The following CELF2 variants were observed in gnomAD, a reference collection of about 807,000 sequenced individuals.
The protein encoded by CELF2 is CUGBP Elav-like family member 2.
CELF2 carries 8 observed loss-of-function variants against 62.6 expected under a neutral mutation model. That is an observed-to-expected ratio of 0.13 (90% confidence interval 0.07 to 0.23). The LOEUF (loss-of-function observed/expected upper bound fraction) is 0.23. CELF2 is among the 10% of genes least tolerant of loss of function. The pLI is 1.00. For missense variants in CELF2, 333 were observed against 671.0 expected, an observed-to-expected ratio of 0.50 and a Z score of 5.56; for synonymous variants, 258 against 250.0, an observed-to-expected ratio of 1.03 and a Z score of -0.30.
At chr10:10,557,787 T>C in the CELF2 span, among the ~76,000 whole-genome samples, 176 of 138,368 alleles carry the variant, frequency 1.3e-3, no homozygotes, top group South Asian at 3.8e-3. Context: ...TTTTATTCTC[T>C]TTGAAGCAAT....
At chr10:11,035,405 A>G (rs2060790081) in intron 1 of CELF2, among the ~76,000 whole-genome samples, 1 of 152,208 alleles carries the variant, frequency 6.6e-6, no homozygotes, top group African/African-American at 2.4e-5. Flanking sequence ...AAACCTTCCC[A>G]TTCAGTGCTG....
chr10:10,647,001 A>G, the CELF2 span, among the ~76,000 whole-genome samples: 1 of 152,186 alleles, frequency 6.6e-6, no homozygotes, highest in African/African-American at 2.4e-5. Context: ...GAACTGAAGG[A>G]TACATTGCAT....
chr10:10,547,362 T>C, the CELF2 span, among the ~76,000 whole-genome samples: 3 of 152,204 alleles, frequency 2.0e-5, no homozygotes, highest in Non-Finnish European at 4.4e-5. Context: ...GTCAGAAATA[T>C]GTTTGAAACA....
At chr10:10,483,950 ATCTC>A in the CELF2 span, among the ~76,000 whole-genome samples, 8 of 89,252 alleles carry the variant, frequency 9.0e-5, no homozygotes, top group South Asian at 2.0e-3. Flanking sequence ...TCTCTCTCTC[ATCTC>A]TCTCTCTCCC....
the CELF2 span, among the ~76,000 whole-genome samples, chr10:10,720,257 C>T: frequency 2.6e-5 from 4 of 152,176 alleles, no homozygotes; most frequent in South Asian, 6.2e-4. Context: ...AATATGATAA[C>T]ATTTACTGTA....
chr10:11,017,874 CCCCG>C lies in CELF2; in HGVS notation c.-209_-206del. 1 of 886,626 alleles carries C rather than the reference CCCCG, an allele frequency of 1.1e-6. No homozygotes were observed. The highest frequency in any genetic ancestry group is 5.1e-5 in the South Asian group (1 of 19,506). 54.9% of individuals were successfully genotyped at this position (886,626 alleles called of 1,614,324 possible). A position where few individuals can be genotyped will look rare whatever the true frequency, so the allele number is the denominator to read the frequency against. On this transcript the variant is annotated 5_prime_UTR_variant, in exon 1 of 13. Coordinates refer to ENST00000633077, the MANE Select transcript of CELF2 (RefSeq NM_001326342.2). This position sits in a 1 kb window ranked among gnomAD's most constrained non-coding sequence, Gnocchi z 5.5. ...GCGGCGGGCGCCCCGCGAGCTCCGC[CCCCG>C]CCCGCCGCACCTGGCGCTCGGCAGC...
chr10:10,873,632 G>A (rs1196510396), intron 1 of CELF2, among the ~76,000 whole-genome samples: 1 of 152,240 alleles, frequency 6.6e-6, no homozygotes, highest in Non-Finnish European at 1.5e-5. Context: ...AAGGGTGGAA[G>A]TTTATACAAC....
intron 12 of CELF2, among the ~76,000 whole-genome samples, chr10:11,327,638 A>G (rs937897563): frequency 6.6e-6 from 1 of 152,210 alleles, no homozygotes; most frequent in African/African-American, 2.4e-5. Context: ...TCCTTGATAA[A>G]GACCCAGAGG....
Position 10,947,353 on chromosome 10 carries a change from A to G in CELF2, c.89+27354A>G, listed in dbSNP as rs1359245089. On this transcript the variant is annotated intron_variant, in intron 2 of 13. Coordinates refer to the CELF2 transcript ENST00000636488. The surrounding 1 kb of genome is among the most constrained non-coding windows in gnomAD (Gnocchi z 4.1). ...GCACAGATGGGAGGCAGGGTTATTT[A>G]CCATTTTACTCTCCCTCCCTGTTCA... The G allele has an allele frequency of 1.3e-5, 2 of 152,604 alleles. No individual in the cohort carries two copies. Among genetic ancestry groups the G allele is most frequent in the Non-Finnish European group, 2.9e-5 (2 of 68,038 alleles). 9.5% of individuals were successfully genotyped at this position (152,604 alleles called of 1,614,324 possible).
the CELF2 span, among the ~76,000 whole-genome samples, chr10:10,591,368 A>G: frequency 7.3e-3 from 1,110 of 152,308 alleles, 6 homozygotes; most frequent in Middle Eastern, 0.031. Context: ...TAACATGGGT[A>G]TATGCTTTCA....
intron 8 of CELF2, among the ~76,000 whole-genome samples, chr10:11,275,760 C>G (rs1037120894): frequency 6.6e-6 from 1 of 152,194 alleles, no homozygotes; most frequent in Non-Finnish European, 1.5e-5. Flanking sequence ...TAATGAGCTG[C>G]GCCAGTAGTA....
At chr10:10,884,270 T>C (rs1264108470) in intron 1 of CELF2, among the ~76,000 whole-genome samples, 1 of 152,192 alleles carries the variant, frequency 6.6e-6, no homozygotes, top group Non-Finnish European at 1.5e-5. Flanking sequence ...TTTTCCTAAA[T>C]GAGGGAGCTG....
intron 1 of CELF2, among the ~76,000 whole-genome samples, chr10:11,057,428 A>G (rs1377945735): frequency 6.6e-6 from 1 of 152,204 alleles, no homozygotes; most frequent in African/African-American, 2.4e-5. Flanking sequence ...TCATTTTGCT[A>G]AATATTAATC....
At chr10:11,112,071 T>C (rs1340902157) in intron 1 of CELF2, among the ~76,000 whole-genome samples, 3 of 152,214 alleles carry the variant, frequency 2.0e-5, no homozygotes, top group Non-Finnish European at 4.4e-5. Flanking sequence ...CAAGGAGACC[T>C]CTTAGATATT....
chr10:11,115,260 A>C (rs1322830912), intron 1 of CELF2, among the ~76,000 whole-genome samples: 2 of 152,248 alleles, frequency 1.3e-5, no homozygotes, highest in African/African-American at 2.4e-5. Context: ...GACTCACAGT[A>C]ATAGCTTAAG....
At chr10:10,675,766 TC>T in the CELF2 span, among the ~76,000 whole-genome samples, 7 of 152,212 alleles carry the variant, frequency 4.6e-5, no homozygotes, top group Non-Finnish European at 8.8e-5. Flanking sequence ...AAGGCATTCT[TC>T]CATTTCTGTT....
At chr10:10,681,261 C>A in the CELF2 span, among the ~76,000 whole-genome samples, 1 of 152,088 alleles carries the variant, frequency 6.6e-6, no homozygotes, top group Admixed American at 6.6e-5. Context: ...AAATACAGTT[C>A]TTTTTATTTT....
intron 1 of CELF2, among the ~76,000 whole-genome samples, chr10:10,851,095 T>C (rs2059356689): frequency 6.6e-6 from 1 of 152,112 alleles, no homozygotes; most frequent in South Asian, 2.1e-4. Flanking sequence ...TGTGAGCCAC[T>C]GTGCCCGCCA....
the CELF2 span, among the ~76,000 whole-genome samples, chr10:10,590,308 C>G: frequency 1.3e-5 from 2 of 152,194 alleles, no homozygotes; most frequent in Non-Finnish European, 2.9e-5. Flanking sequence ...AGATAATCCC[C>G]AGCCCTCTAT....
Sources: allele counts gnomAD v4.1 joint callset (sites outside exome capture counted in the v4.1 genomes callset), GRCh38; gene constraint gnomAD v4.1.1; non-coding constraint Gnocchi (gnomAD v3.1); transcripts MANE v1.5; gene names NCBI Gene and HGNC (gene_info 2026-07-23, HGNC 2026-07-21).